GAD2: variants seen among roughly 807,000 people sequenced by gnomAD.
GAD2 encodes the protein 65 kDa glutamic acid decarboxylase.
In GAD2, 22 loss-of-function variants were observed where a neutral mutation model predicts 80.1. The observed-to-expected ratio is 0.27, with a 90% CI of 0.20 to 0.39. GAD2 has a LOEUF of 0.39. Ranked by LOEUF, GAD2 falls within the 10% of genes least tolerant of loss-of-function variation. The pLI, the probability that GAD2 is intolerant of heterozygous loss-of-function variation, is 1.00. For missense variants in GAD2, 624 were observed against 738.4 expected, an observed-to-expected ratio of 0.85 and a Z score of 1.80; for synonymous variants, 274 against 256.9, an observed-to-expected ratio of 1.07 and a Z score of -0.64.
intron 5 of GAD2, 47 bp from the exon 6 acceptor site, chr10:26,224,485 GTAAATTA>G (rs1844496456): frequency 2.9e-6 from 3 of 1,029,598 alleles, no homozygotes; most frequent in Non-Finnish European, 3.1e-6. Context: ...TGTAATGATT[GTAAATTA>G]TTTATCTGAG....
intron 8 of GAD2, among the ~76,000 whole-genome samples, chr10:26,254,835 G>A (rs1844925008): frequency 1.3e-5 from 2 of 152,232 alleles, no homozygotes; most frequent in African/African-American, 4.8e-5. Context: ...AGGGAGTGCT[G>A]GAATGAACAG....
At chr10:26,218,965 GT>G (rs1276295905) in intron 3 of GAD2, 77 bp from the exon 4 acceptor site, 1 of 1,073,062 alleles carries the variant, frequency 9.3e-7, no homozygotes, top group African/African-American at 1.6e-5. Context: ...TCAAAGAAAT[GT>G]TATTGCCTCA....
Position 26,217,878 on chromosome 10 carries a change from G to C in GAD2, c.173G>C (p.Ser58Thr), listed in dbSNP as rs753506834. Residue 58 changes from serine (S) to threonine (T), a missense_variant, in exon 3 of 16, where the codon AGC becomes ACC. By Grantham distance (58) the Ser-to-Thr change is moderately conservative (BLOSUM62 1). Transcript: ENST00000376261. This position sits in a 1 kb window ranked among gnomAD's most constrained non-coding sequence, Gnocchi z 4.9. ...GGAGACGCCGAGAAGCCGGCGGAGAGCGGCGGGAGCCAACCCCCGCGGGCC... is the reference window on the plus strand; with the variant it reads ...GGAGACGCCGAGAAGCCGGCGGAGACCGGCGGGAGCCAACCCCCGCGGGCC... The part of the protein sequence containing the change: ...LYGDAEKPAE[S>T]GGSQPPRAAA... 7 of 1,603,848 alleles carry C rather than the reference G, an allele frequency of 4.4e-6. No individual in the cohort carries two copies. The African/African-American group carries it at 9.4e-5, about 21-fold the overall frequency.
chr10:26,286,824 G>T (rs1845338637), intron 13 of GAD2, among the ~76,000 whole-genome samples: 1 of 152,134 alleles, frequency 6.6e-6, no homozygotes, highest in African/African-American at 2.4e-5. Context: ...TTTTTACCCA[G>T]TGATTGATCA....
chr10:26,248,230 T>A (rs1346660454), intron 8 of GAD2, among the ~76,000 whole-genome samples: 9 of 152,210 alleles, frequency 5.9e-5, no homozygotes, highest in Non-Finnish European at 7.3e-5. Flanking sequence ...AAGGGTGGGA[T>A]ATCTTGAAGC....
chr10:26,276,217 C>T (rs1845200160), intron 11 of GAD2, among the ~76,000 whole-genome samples: 1 of 151,812 alleles, frequency 6.6e-6, no homozygotes. Flanking sequence ...ACACCTGGAG[C>T]CCTTTCTGGC....
intron 11 of GAD2, among the ~76,000 whole-genome samples, chr10:26,278,671 T>C (rs1845238676): frequency 2.0e-5 from 3 of 152,114 alleles, no homozygotes; most frequent in African/African-American, 7.2e-5. Flanking sequence ...CTGTTATTAC[T>C]CATTAAGTCC....
rs764423166 is a variant in GAD2 at position 26,292,858 on chromosome 10, T to G, written c.1495-44T>G. ...TGAAATGTTCTTGGAATTTTCAAAA[T>G]TGCCAGCCTGGGCCAAATGTGAATC... On this transcript the variant is annotated intron_variant, in intron 14 of 15. Coordinates refer to ENST00000376261, the MANE Select transcript of GAD2 (RefSeq NM_001134366.2). 26 of 1,518,488 alleles carry G rather than the reference T, an allele frequency of 1.7e-5. No homozygotes were observed. In the South Asian group the frequency reaches 2.7e-4, roughly 16 times the overall value. The allele number at this position is 1,518,488 out of a possible 1,614,324, so 94.1% of individuals were successfully genotyped here. A position where few individuals can be genotyped will look rare whatever the true frequency, so the allele number is the denominator to read the frequency against.
intron 8 of GAD2, among the ~76,000 whole-genome samples, chr10:26,252,302 C>A (rs1844888887): frequency 6.6e-6 from 1 of 152,040 alleles, no homozygotes; most frequent in African/African-American, 2.4e-5. Context: ...GCAATAAGCC[C>A]AATGCTGCAT....
At chr10:26,233,198 GACCAGTGAGCTCCATGCACCGACT>G (rs995008902) in intron 7 of GAD2, among the ~76,000 whole-genome samples, 1 of 152,172 alleles carries the variant, frequency 6.6e-6, no homozygotes, top group Non-Finnish European at 1.5e-5. Context: ...CTGGGTCCAA[GACCAGTGAGCTCCATGCACCGACT>G]ACCACTGTAG....
chr10:26,249,132 G>T (rs904133540), intron 8 of GAD2, among the ~76,000 whole-genome samples: 2 of 152,144 alleles, frequency 1.3e-5, no homozygotes, highest in African/African-American at 4.8e-5. Flanking sequence ...GTGCTGTCTC[G>T]GCTCACTGCA....
chr10:26,250,463 G>A (rs149666726), intron 8 of GAD2, among the ~76,000 whole-genome samples: 16 of 152,282 alleles, frequency 1.1e-4, no homozygotes, highest in African/African-American at 2.9e-4. Context: ...GCTAGGGCTC[G>A]GGGCTTTCTC....
chr10:26,288,605 G>A (rs1181493740), intron 13 of GAD2, among the ~76,000 whole-genome samples: 1 of 152,176 alleles, frequency 6.6e-6, no homozygotes, highest in African/African-American at 2.4e-5. Context: ...TCATTGATTG[G>A]TGGGAATTAC....
chr10:26,254,105 C>T (rs1844915583), intron 8 of GAD2, among the ~76,000 whole-genome samples: 1 of 152,204 alleles, frequency 6.6e-6, no homozygotes, highest in Non-Finnish European at 1.5e-5. Context: ...GGCACGATCT[C>T]AGCTCACTGC....
chr10:26,243,377 C>G (rs148567475), intron 7 of GAD2, among the ~76,000 whole-genome samples: 1 of 152,182 alleles, frequency 6.6e-6, no homozygotes, highest in Non-Finnish European at 1.5e-5. Flanking sequence ...AGTGGGCATT[C>G]GAAGAGAGAG....
intron 8 of GAD2, among the ~76,000 whole-genome samples, chr10:26,249,293 C>T (rs1202878585): frequency 3.9e-5 from 6 of 152,182 alleles, no homozygotes; most frequent in African/African-American, 1.2e-4. Flanking sequence ...AACTCCTGAC[C>T]TGAGATGATC....
chr10:26,267,477 G>C (rs1204620396), intron 8 of GAD2, among the ~76,000 whole-genome samples: 1 of 152,222 alleles, frequency 6.6e-6, no homozygotes, highest in Non-Finnish European at 1.5e-5. Flanking sequence ...GAAGCTCTCT[G>C]TGTCCTTTCC....
chr10:26,281,080 G>T lies in GAD2; in HGVS notation c.1229G>T (p.Arg410Ile), dbSNP rs759246972. Residue 410 changes from arginine to isoleucine, a missense_variant, in exon 12 of 16, where the codon AGA (arginine) becomes ATA (isoleucine). Physicochemically the swap from Arg to Ile is moderately conservative, Grantham distance 97 (BLOSUM62 -3). Coordinates refer to ENST00000376261, the MANE Select transcript of GAD2 (RefSeq NM_001134366.2). ...TTGCAGTGCTCTGCTCTCCTGGTTA[G>T]AGAAGAGGTATGTCTCTCTTGACTC... ...VPLQCSALLVREEGLMQNCNQ... is the reference protein window; with the variant it reads ...VPLQCSALLVIEEGLMQNCNQ... 1.6e-5 allele frequency: 25 copies of T among 1,611,860 alleles called. No individual in the cohort carries two copies. Among genetic ancestry groups the T allele is most frequent in the Non-Finnish European group, 2.1e-5 (25 of 1,178,160 alleles).
At chr10:26,234,521 T>G (rs1389332952) in intron 7 of GAD2, among the ~76,000 whole-genome samples, 2 of 152,196 alleles carry the variant, frequency 1.3e-5, no homozygotes, top group Non-Finnish European at 2.9e-5. Flanking sequence ...TGTATTTTAT[T>G]GAATTGAAAA....
Sources: allele counts gnomAD v4.1 joint callset (sites outside exome capture counted in the v4.1 genomes callset), GRCh38; gene constraint gnomAD v4.1.1; non-coding constraint Gnocchi (gnomAD v3.1); transcripts MANE v1.5; gene names NCBI Gene and HGNC (gene_info 2026-07-23, HGNC 2026-07-21).